GALNT16: variants seen among roughly 807,000 people sequenced by gnomAD.
GALNT16 encodes the protein polypeptide N-acetylgalactosaminyltransferase 16, also known as UDP-GalNAc:polypeptide N-acetylgalactosaminyltransferase-like protein 1.
A neutral mutation model predicts 76.1 loss-of-function variants in GALNT16; 40 were observed. The observed-to-expected ratio is 0.53, with a 90% confidence interval of 0.41 to 0.68. The LOEUF is 0.68. GALNT16 is among the 30% of genes least tolerant of loss of function. The pLI, the probability that GALNT16 is intolerant of heterozygous loss-of-function variation, is 0.00. For synonymous variants in GALNT16, 276 were observed against 285.2 expected (o/e 0.97, Z 0.32); for missense variants, 621 against 731.9 (o/e 0.85, Z 1.75).
At chr14:69,284,278 C>T (rs1053765358) in intron 1 of GALNT16, among the ~76,000 whole-genome samples, 4 of 152,210 alleles carry the variant, frequency 2.6e-5, no homozygotes, top group Non-Finnish European at 4.4e-5. Flanking sequence ...ACTCCAGAGG[C>T]GAGTGGGCCC....
intron 1 of GALNT16, among the ~76,000 whole-genome samples, chr14:69,285,346 A>G (rs1334035474): frequency 6.6e-6 from 1 of 152,174 alleles, no homozygotes; most frequent in African/African-American, 2.4e-5. Context: ...TTATAGCAGC[A>G]TGAGAATGGA....
At position 69,279,076 on chromosome 14, in the gene GALNT16, C is replaced by T. The variant is rs148688667; in HGVS notation, c.177+18609C>T. Among the ~76,000 whole-genome samples, 1,402 of 152,064 alleles carry T rather than the reference C, an allele frequency of 9.2e-3. 8 individuals carry two copies. The highest frequency in any genetic ancestry group is 0.012 in the Non-Finnish European group (847 of 67,982). ...CCTCCCAAGTAGCTGGGATTACAGG[C>T]GCTCGCCACCACTCCTGGCTAATTT... On this transcript the variant is annotated intron_variant, in intron 1 of 14. Coordinates refer to ENST00000448469, the MANE Select transcript of GALNT16 (RefSeq NM_001168368.2).
intron 12 of GALNT16, among the ~76,000 whole-genome samples, chr14:69,343,185 C>A (rs1422837428): frequency 1.3e-5 from 2 of 152,248 alleles, no homozygotes; most frequent in Admixed American, 1.3e-4. Flanking sequence ...ACGTGTCCCA[C>A]CGCTGCCAGC....
chr14:69,262,734 A>G (rs2044292739), intron 1 of GALNT16, among the ~76,000 whole-genome samples: 1 of 152,076 alleles, frequency 6.6e-6, no homozygotes, highest in Non-Finnish European at 1.5e-5. Context: ...ACCACTTTTG[A>G]CAACTGCCTT....
At chr14:69,376,229 G>A in the GALNT16 span, among the ~76,000 whole-genome samples, 5 of 152,066 alleles carry the variant, frequency 3.3e-5, no homozygotes, top group Non-Finnish European at 5.9e-5. Flanking sequence ...CTTTGCTATG[G>A]TAAATCCATA....
chr14:69,361,203 T>C (rs992969746), downstream of GALNT16, among the ~76,000 whole-genome samples: 6 of 152,258 alleles, frequency 3.9e-5, no homozygotes, highest in African/African-American at 9.6e-5. Context: ...GTGAGTTACA[T>C]GGCAAAGCCC....
At chr14:69,284,413 G>A (rs191557765) in intron 1 of GALNT16, among the ~76,000 whole-genome samples, 6 of 152,318 alleles carry the variant, frequency 3.9e-5, no homozygotes, top group Non-Finnish European at 8.8e-5. Context: ...AACTCACCCC[G>A]TGTGGCGTGT....
intron 11 of GALNT16, among the ~76,000 whole-genome samples, chr14:69,340,719 C>G (rs1447999307): frequency 6.6e-6 from 1 of 152,182 alleles, no homozygotes; most frequent in East Asian, 1.9e-4. Flanking sequence ...CTCCTGATCT[C>G]AAGCGATCTG....
At chr14:69,274,038 G>C (rs191994360) in intron 1 of GALNT16, among the ~76,000 whole-genome samples, 33 of 152,244 alleles carry the variant, frequency 2.2e-4, no homozygotes, top group Admixed American at 1.9e-3. Context: ...AAAGTGTCAG[G>C]GTTCATATTC....
At chr14:69,293,773 C>T (rs1028085023) in intron 1 of GALNT16, among the ~76,000 whole-genome samples, 1 of 152,084 alleles carries the variant, frequency 6.6e-6, no homozygotes, top group Admixed American at 6.6e-5. Flanking sequence ...CAATGCCTGG[C>T]TTTATAGTAA....
intron 1 of GALNT16, among the ~76,000 whole-genome samples, chr14:69,267,381 A>G (rs2044354265): frequency 6.6e-6 from 1 of 152,210 alleles, no homozygotes; most frequent in South Asian, 2.1e-4. Flanking sequence ...GGCTCAGGCA[A>G]AATTTGAGGA....
At chr14:69,378,775 G>A in the GALNT16 span, among the ~76,000 whole-genome samples, 476 of 152,194 alleles carry the variant, frequency 3.1e-3, 3 homozygotes, top group African/African-American at 0.011. Context: ...ATTCCCTTCA[G>A]ATCTGCTCTA....
chr14:69,260,700 G>C (rs1259488154), intron 1 of GALNT16: 2 of 251,258 alleles, frequency 8.0e-6, no homozygotes, highest in African/African-American at 4.5e-5. Context: ...GGGAGAAAGT[G>C]CTGCAAGTTT....
chr14:69,293,510 CT>C (rs2044713897), intron 1 of GALNT16, among the ~76,000 whole-genome samples: 1 of 152,160 alleles, frequency 6.6e-6, no homozygotes, highest in Non-Finnish European at 1.5e-5. Flanking sequence ...ATGTCAAGTA[CT>C]TTGTATTCAT....
intron 12 of GALNT16, 80 bp from the exon 13 acceptor site, chr14:69,346,960 T>C (rs1019376805): frequency 1.5e-5 from 24 of 1,564,292 alleles, no homozygotes; most frequent in Non-Finnish European, 2.0e-5. Flanking sequence ...CCAGAGCTGA[T>C]AGGATGCTGA....
intron 6 of GALNT16, among the ~76,000 whole-genome samples, chr14:69,330,617 T>C (rs773714279): frequency 4.7e-4 from 71 of 152,216 alleles, no homozygotes; most frequent in Non-Finnish European, 2.2e-4. Flanking sequence ...GGGCTTCCGT[T>C]ATCCTGATCT....
At chr14:69,316,448 G>T (rs1185636889) in intron 1 of GALNT16, among the ~76,000 whole-genome samples, 5 of 152,190 alleles carry the variant, frequency 3.3e-5, no homozygotes, top group Admixed American at 3.3e-4. Flanking sequence ...AAATAAATAA[G>T]TAAAGCACAT....
intron 1 of GALNT16, among the ~76,000 whole-genome samples, chr14:69,276,448 C>T (rs971689990): frequency 2.6e-5 from 4 of 152,146 alleles, no homozygotes; most frequent in African/African-American, 4.8e-5. Flanking sequence ...TTTGGGAGGC[C>T]GAGGTGGGCG....
chr14:69,352,345 C>T lies in GALNT16; in HGVS notation c.*177C>T. 1 of 634,574 alleles carries T rather than the reference C, an allele frequency of 1.6e-6. No individual in the cohort carries two copies. Among genetic ancestry groups the T allele is most frequent in the South Asian group, 2.0e-5 (1 of 50,022 alleles). The allele number at this position is 634,574 out of a possible 1,614,324, so 39.3% of individuals were successfully genotyped here. A position where few individuals can be genotyped will look rare whatever the true frequency, so the allele number is the denominator to read the frequency against. The stretch of plus-strand genomic sequence containing the variant: ...CTTGTTCTAGGAGGGCGCAGGCGGG[C>T]ACGCCCCGATGCCCTCAGTGCTGTC... On this transcript the variant is annotated 3_prime_UTR_variant, in exon 15 of 15. Transcript: ENST00000448469.
Sources: allele counts gnomAD v4.1 joint callset (sites outside exome capture counted in the v4.1 genomes callset), GRCh38; gene constraint gnomAD v4.1.1; transcripts MANE v1.5; gene names NCBI Gene and HGNC (gene_info 2026-07-23, HGNC 2026-07-21).